The following PPP2R2B variants were observed in gnomAD, a reference collection of about 807,000 sequenced individuals.
PPP2R2B encodes protein phosphatase 2 regulatory subunit Bbeta, also known as serine/threonine-protein phosphatase 2A 55 kDa regulatory subunit B beta isoform.
PPP2R2B carries 5 observed loss-of-function variants against 46.0 expected under a neutral mutation model. The observed-to-expected ratio is 0.11, with a 90% CI of 0.06 to 0.23. PPP2R2B has a LOEUF of 0.23. Ranked by LOEUF, PPP2R2B falls within the 10% of genes least tolerant of loss-of-function variation. The pLI, the probability that PPP2R2B is intolerant of heterozygous loss-of-function variation, is 1.00. For synonymous variants in PPP2R2B, 215 were observed against 206.7 expected (o/e 1.04, Z -0.34); for missense variants, 367 against 575.0 (o/e 0.64, Z 3.70).
intron 1 of PPP2R2B, among the ~76,000 whole-genome samples, chr5:146,890,718 G>A (rs1487077931): frequency 6.6e-6 from 1 of 152,130 alleles, no homozygotes; most frequent in African/African-American, 2.4e-5. Flanking sequence ...AGAGACCTTT[G>A]CAATTTCCAT....
intron 5 of PPP2R2B, among the ~76,000 whole-genome samples, chr5:146,684,396 A>G (rs1010894718): frequency 6.6e-6 from 1 of 152,232 alleles, no homozygotes. Context: ...GAGTATTACG[A>G]CATAGGTACC....
chr5:146,851,108 G>A (rs1231224521), intron 2 of PPP2R2B, among the ~76,000 whole-genome samples: 1 of 152,130 alleles, frequency 6.6e-6, no homozygotes, highest in Non-Finnish European at 1.5e-5. Context: ...GTGGACATAA[G>A]AGGACATGAA....
At chr5:146,871,634 G>C (rs967554045) in intron 2 of PPP2R2B, among the ~76,000 whole-genome samples, 2 of 152,226 alleles carry the variant, frequency 1.3e-5, no homozygotes, top group Non-Finnish European at 2.9e-5. Context: ...TGTGCTAGGA[G>C]AAGATAGATC....
intron 2 of PPP2R2B, among the ~76,000 whole-genome samples, chr5:146,744,419 C>G (rs1239819599): frequency 6.6e-6 from 1 of 152,136 alleles, no homozygotes; most frequent in Admixed American, 6.5e-5. Flanking sequence ...CTTCAGTGCA[C>G]CATGGGGAAC....
intron 1 of PPP2R2B, among the ~76,000 whole-genome samples, chr5:147,027,431 G>A (rs1250018994): frequency 6.6e-6 from 1 of 152,052 alleles, no homozygotes; most frequent in Admixed American, 6.6e-5. Flanking sequence ...TCAGGAGATC[G>A]AGACCATCCT....
chr5:146,671,763 A>G (rs1777391282), intron 5 of PPP2R2B, among the ~76,000 whole-genome samples: 1 of 152,180 alleles, frequency 6.6e-6, no homozygotes. Context: ...ATCCCTGCCT[A>G]TGGCTTTTCT....
intron 2 of PPP2R2B, among the ~76,000 whole-genome samples, chr5:146,772,769 A>G (rs920277051): frequency 6.6e-6 from 1 of 152,122 alleles, no homozygotes; most frequent in Non-Finnish European, 1.5e-5. Context: ...GTTTCTTTTG[A>G]TCAAAGGTTT....
In PPP2R2B at chr5:146,640,336, A is replaced by G. The variant is rs528021922; in HGVS notation, c.626-1921T>C. The stretch of plus-strand genomic sequence containing the variant: ...GGGCATGTGAGTCTCCTGGATTCAC[A>G]AAATACTACCCTTCAACTCAACTTC... On this transcript the variant is annotated intron_variant, in intron 6 of 9. Transcript: ENST00000394411. 1.1e-4 allele frequency among the ~76,000 whole-genome samples: 16 copies of G among 152,350 alleles called. No individual in the cohort carries two copies. In the South Asian group the frequency reaches 2.9e-3, roughly 28 times the overall value.
chr5:146,654,023 C>T (rs553384508), intron 5 of PPP2R2B, among the ~76,000 whole-genome samples: 3 of 152,322 alleles, frequency 2.0e-5, no homozygotes, highest in East Asian at 3.9e-4. Flanking sequence ...TTTTCATCTG[C>T]TCTGGCCACA....
intron 7 of PPP2R2B, among the ~76,000 whole-genome samples, chr5:146,630,221 C>G (rs1774335929): frequency 6.6e-6 from 1 of 152,206 alleles, no homozygotes; most frequent in African/African-American, 2.4e-5. Flanking sequence ...GGCCTTCACA[C>G]TTAGATGTTG....
intron 8 of PPP2R2B, among the ~76,000 whole-genome samples, chr5:146,594,767 T>A (rs1174459235): frequency 6.6e-6 from 1 of 152,130 alleles, no homozygotes; most frequent in Non-Finnish European, 1.5e-5. Context: ...CTCTGGTGGG[T>A]CCTCAGTCCT....
At chr5:146,678,754 C>T (rs1258357033) in intron 5 of PPP2R2B, among the ~76,000 whole-genome samples, 2 of 144,492 alleles carry the variant, frequency 1.4e-5, no homozygotes, top group African/African-American at 5.5e-5. Flanking sequence ...CAACAACAGA[C>T]AAACAGAGAG....
chr5:146,909,776 G>C (rs540735897), intron 1 of PPP2R2B, among the ~76,000 whole-genome samples: 103 of 152,226 alleles, frequency 6.8e-4, no homozygotes, highest in African/African-American at 2.4e-3. Flanking sequence ...ATAGATTTAA[G>C]AGTCCCCAAG....
chr5:146,636,431 T>C (rs1408347642), intron 7 of PPP2R2B, among the ~76,000 whole-genome samples: 2 of 152,190 alleles, frequency 1.3e-5, no homozygotes, highest in Admixed American at 6.5e-5. Context: ...ACATGAATTT[T>C]TAGAAAGAAA....
At chr5:147,058,739 C>T (rs1199962305), upstream of PPP2R2B, among the ~76,000 whole-genome samples, 1 of 152,198 alleles carries the variant, frequency 6.6e-6, no homozygotes, top group Non-Finnish European at 1.5e-5. Context: ...GAATCTGCTG[C>T]AGGTAGTTTG....
At chr5:146,962,587 G>T (rs188721381) in intron 1 of PPP2R2B, among the ~76,000 whole-genome samples, 1 of 152,080 alleles carries the variant, frequency 6.6e-6, no homozygotes, top group East Asian at 1.9e-4. Flanking sequence ...AACCCAGGAG[G>T]CAGAGGTTGC....
intron 2 of PPP2R2B, among the ~76,000 whole-genome samples, chr5:146,817,607 TAA>T (rs1218294796): frequency 1.3e-5 from 2 of 152,210 alleles, no homozygotes; most frequent in Non-Finnish European, 2.9e-5. Context: ...ATTTGTTGCA[TAA>T]AAGTCTCTAA....
intron 2 of PPP2R2B, among the ~76,000 whole-genome samples, chr5:146,849,847 A>G (rs1760233094): frequency 6.6e-6 from 1 of 152,208 alleles, no homozygotes; most frequent in African/African-American, 2.4e-5. Flanking sequence ...ACCCTGTATA[A>G]TATCTTAATA....
intron 5 of PPP2R2B, among the ~76,000 whole-genome samples, chr5:146,668,237 C>T (rs550552851): frequency 1.3e-5 from 2 of 152,262 alleles, no homozygotes; most frequent in Admixed American, 6.5e-5. Context: ...TGACAACCCT[C>T]CTGGAATCAT....
Sources: allele counts gnomAD v4.1 joint callset (sites outside exome capture counted in the v4.1 genomes callset), GRCh38; gene constraint gnomAD v4.1.1; transcripts MANE v1.5; gene names NCBI Gene and HGNC (gene_info 2026-07-23, HGNC 2026-07-21).